Variants in C1orf21 observed in about 807,000 individuals in gnomAD.
C1orf21 encodes chromosome 1 open reading frame 21.
A neutral mutation model predicts 18.7 loss-of-function variants in C1orf21; 3 were observed. That is an observed-to-expected ratio of 0.16 (90% CI 0.07 to 0.42). The LOEUF (loss-of-function observed/expected upper bound fraction) is 0.42, where lower values mean the gene tolerates loss of function less well. Among genes scored for constraint, C1orf21 ranks in the 10% least tolerant of loss-of-function variants. The probability of loss-of-function intolerance (pLI) is 0.99; values close to 1 mark genes in which losing one functional copy is unlikely to be tolerated. For synonymous variants in C1orf21, 41 were observed against 46.4 expected, an observed-to-expected ratio of 0.88 and a Z score of 0.47; for missense variants, 104 against 143.6, an observed-to-expected ratio of 0.72 and a Z score of 1.41.
At chr1:184,477,686 T>C in intron 2 of C1orf21, 83 bp downstream of exon 2, 1 of 1,079,120 alleles carries the variant, frequency 9.3e-7, no homozygotes, top group East Asian at 2.5e-5. Context: ...TTTGTACATA[T>C]TTATGGGGTG....
At chr1:184,450,592 C>T (rs753775787) in intron 1 of C1orf21, among the ~76,000 whole-genome samples, 4 of 152,102 alleles carry the variant, frequency 2.6e-5, no homozygotes, top group Non-Finnish European at 5.9e-5. Flanking sequence ...CACACACAGA[C>T]GCACATATAT....
chr1:184,558,631 C>T (rs1012437414), intron 3 of C1orf21, among the ~76,000 whole-genome samples: 2 of 152,314 alleles, frequency 1.3e-5, no homozygotes, highest in East Asian at 1.9e-4. Flanking sequence ...AGGGAACTCT[C>T]GGGTCACCAG....
intron 4 of C1orf21, among the ~76,000 whole-genome samples, chr1:184,594,120 T>TA (rs1192693661): frequency 2.6e-5 from 4 of 152,104 alleles, no homozygotes; most frequent in African/African-American, 7.2e-5. Flanking sequence ...TATACTACTT[T>TA]AAAAAAATAA....
At chr1:184,536,862 G>T (rs182024201) in intron 3 of C1orf21, among the ~76,000 whole-genome samples, 1 of 135,720 alleles carries the variant, frequency 7.4e-6, no homozygotes, top group Non-Finnish European at 1.6e-5. Flanking sequence ...AAAAAAAAAA[G>T]ATTACTTTCC....
chr1:184,509,777 T>C (rs1021570693), intron 3 of C1orf21, among the ~76,000 whole-genome samples: 19 of 152,190 alleles, frequency 1.2e-4, no homozygotes, highest in African/African-American at 4.6e-4. Flanking sequence ...AAGATGTAGG[T>C]TACAGTGTTT....
At chr1:184,572,945 CT>C (rs1659133950) in intron 3 of C1orf21, among the ~76,000 whole-genome samples, 1 of 110,122 alleles carries the variant, frequency 9.1e-6, no homozygotes, top group African/African-American at 5.2e-5. Flanking sequence ...AGCGAGACTC[CT>C]TCTCAAAAAA....
chr1:184,484,917 T>A (rs1657711756), intron 2 of C1orf21, among the ~76,000 whole-genome samples: 2 of 142,380 alleles, frequency 1.4e-5, no homozygotes, highest in Non-Finnish European at 3.1e-5. Flanking sequence ...TGTGTGTGTG[T>A]GTGTGATGGT....
At chr1:184,557,519 A>T (rs1322933974) in intron 3 of C1orf21, among the ~76,000 whole-genome samples, 1 of 152,160 alleles carries the variant, frequency 6.6e-6, no homozygotes, top group African/African-American at 2.4e-5. Context: ...TGTATTCTTG[A>T]GTTACTTCAC....
chr1:184,585,980 A>G (rs891579442), intron 3 of C1orf21, among the ~76,000 whole-genome samples: 4 of 152,220 alleles, frequency 2.6e-5, no homozygotes, highest in African/African-American at 7.2e-5. Flanking sequence ...TTGGGTATAT[A>G]ATCGGTAATG....
intron 3 of C1orf21, among the ~76,000 whole-genome samples, chr1:184,574,366 T>C (rs946547): frequency 0.57 from 87,361 of 152,104 alleles, 27,528 homozygotes; most frequent in African/African-American, 0.85. Context: ...AGTAATACTT[T>C]TAAATATGAT....
intron 3 of C1orf21, among the ~76,000 whole-genome samples, chr1:184,531,354 A>G (rs928630069): frequency 6.6e-6 from 1 of 151,860 alleles, no homozygotes; most frequent in African/African-American, 2.4e-5. Context: ...TCAACCCTCC[A>G]TATGTATTTC....
At chr1:184,483,632 C>G (rs1294006921) in intron 2 of C1orf21, among the ~76,000 whole-genome samples, 2 of 152,164 alleles carry the variant, frequency 1.3e-5, no homozygotes, top group African/African-American at 2.4e-5. Flanking sequence ...GTAGTTTAGG[C>G]TGTGACAGCC....
rs75814490 is a variant in C1orf21 at position 184,602,631 on chromosome 1, C to A, written c.327+4170C>A. Among the ~76,000 whole-genome samples the A allele has an allele frequency of 5.3e-5, 8 of 152,196 alleles. No individual in the cohort carries two copies. In the East Asian group the frequency reaches 1.5e-3, roughly 29 times the overall value. Reference sequence around the variant, plus strand: ...TTTAAACTTCATTTTTTCACTGTACCTAGAGAGGGAAGACAGTATCTAGAT... The same window carrying A: ...TTTAAACTTCATTTTTTCACTGTACATAGAGAGGGAAGACAGTATCTAGAT... On this transcript the variant is annotated intron_variant, in intron 5 of 5. Coordinates refer to ENST00000235307, the MANE Select transcript of C1orf21 (RefSeq NM_030806.4).
At position 184,623,312 on chromosome 1, in the gene C1orf21, G is replaced by T. The variant is rs530769411; in HGVS notation, c.*3756G>T. 1 of 152,282 alleles carries T rather than the reference G, an allele frequency of 6.6e-6. No homozygotes were observed. The highest frequency in any genetic ancestry group is 1.9e-4 in the East Asian group (1 of 5,186). The allele number at this position is 152,282 out of a possible 1,614,324, so 9.4% of individuals were successfully genotyped here. The stretch of plus-strand genomic sequence containing the variant: ...GACTCTGACACGTTCTTTATGAAAG[G>T]CAAAATAATTGGTATCTAAAGTTCT... On this transcript the variant is annotated 3_prime_UTR_variant, in exon 6 of 6. Coordinates refer to ENST00000235307, the MANE Select transcript of C1orf21 (RefSeq NM_030806.4).
intron 3 of C1orf21, among the ~76,000 whole-genome samples, chr1:184,527,526 G>A (rs933541767): frequency 2.0e-5 from 3 of 152,144 alleles, no homozygotes; most frequent in Non-Finnish European, 2.9e-5. Flanking sequence ...GAGGAACAGC[G>A]GGAGCAGAGG....
chr1:184,590,365 G>A (rs1310613570), intron 3 of C1orf21, among the ~76,000 whole-genome samples: 1 of 152,152 alleles, frequency 6.6e-6, no homozygotes, highest in African/African-American at 2.4e-5. Flanking sequence ...CAAATAAATT[G>A]CACGGAAGTC....
At chr1:184,414,735 T>A (rs964569990) in intron 1 of C1orf21, among the ~76,000 whole-genome samples, 2 of 152,198 alleles carry the variant, frequency 1.3e-5, no homozygotes, top group Admixed American at 1.3e-4. Flanking sequence ...AAATCCTAGA[T>A]TGACTTGTTT....
At position 184,436,461 on chromosome 1, in the gene C1orf21, G is replaced by A. The variant is rs75989040; in HGVS notation, c.-124-40925G>A. Reference sequence around the variant, plus strand: ...GTCGGCAGCCCACGAGACACATTCGGCATGATGCAAAGTTGCCACTCCTCT... The same window carrying A: ...GTCGGCAGCCCACGAGACACATTCGACATGATGCAAAGTTGCCACTCCTCT... On this transcript the variant is annotated intron_variant, in intron 1 of 5. Coordinates refer to ENST00000235307, the MANE Select transcript of C1orf21 (RefSeq NM_030806.4). Among the ~76,000 whole-genome samples the A allele has an allele frequency of 2.6e-5, 4 of 152,080 alleles. No homozygotes were observed. In the East Asian group the frequency reaches 7.8e-4, roughly 30 times the overall value.
chr1:184,391,778 T>A (rs1372021051), intron 1 of C1orf21, among the ~76,000 whole-genome samples: 1 of 152,010 alleles, frequency 6.6e-6, no homozygotes, highest in East Asian at 1.9e-4. Context: ...AGTGGTGCAA[T>A]CTCACTGCAA....
Sources: gnomAD v4.1 joint callset for allele counts (sites outside exome capture counted in the v4.1 genomes callset) on GRCh38, gnomAD v4.1.1 for gene constraint, MANE v1.5 for transcripts, NCBI Gene and HGNC (gene_info 2026-07-23, HGNC 2026-07-21) for gene names.